Variants in SLC38A8 observed in about 807,000 individuals in gnomAD.
SLC38A8 encodes the protein solute carrier family 38 member 8, also known as amino acid transporter SLC38A8.
Under a neutral mutation model 46.0 loss-of-function variants are expected in SLC38A8, and 65 were observed. That is an observed-to-expected ratio of 1.41 (90% CI 1.16 to 1.74). SLC38A8 has a LOEUF of 1.74. SLC38A8 is among the 40% of genes most tolerant of loss of function. The pLI, the probability that SLC38A8 is intolerant of heterozygous loss-of-function variation, is 0.00. For missense variants in SLC38A8, 998 were observed against 567.9 expected (o/e 1.76, Z -7.70); for synonymous variants, 447 against 243.7 (o/e 1.83, Z -7.77).
chr16:84,016,609 T>A lies in SLC38A8; in HGVS notation c.1072A>T (p.Thr358Ser). The A allele has an allele frequency of 3.1e-6, 5 of 1,613,984 alleles. No individual in the cohort carries two copies. Among genetic ancestry groups the A allele is most frequent in the Non-Finnish European group, 4.2e-6 (5 of 1,180,024 alleles). Residue 358 changes from threonine (T) to serine (S), a missense_variant, in exon 9 of 11, where the codon ACG becomes TCG. Coordinates refer to ENST00000299709, the MANE Select transcript of SLC38A8 (RefSeq NM_001080442.3). ...MPLTILWVTV[T>S]LAMALFMPDL... ...GGCATAAACAGCGCCATGGCGAGCG[T>A]CACGGTGACCCACAGGATGGTCAGC... is the stretch of plus-strand genomic sequence containing the variant.
rs754247007 is a variant in SLC38A8 at position 84,029,501 on chromosome 16, C to T, written c.683G>A (p.Gly228Glu). The T allele has an allele frequency of 1.2e-6, 2 of 1,614,106 alleles. No individual in the cohort carries two copies. Among genetic ancestry groups the T allele is most frequent in the Non-Finnish European group, 1.7e-6 (2 of 1,180,006 alleles). The change falls in exon 6 of 11, where the codon GGG (glycine) becomes GAG (glutamate). Residue 228 changes from glycine to glutamate, a missense_variant. Coordinates refer to ENST00000299709, the MANE Select transcript of SLC38A8 (RefSeq NM_001080442.3). Reference protein sequence around the residue: ...VFSVFPTICFGFQCHEAAVSI... With the variant: ...VFSVFPTICFEFQCHEAAVSI... ...CACAGATGCTAAAATTACCTGAAAC[C>T]CGAAGCAGATGGTGGGGAAGACACT...
intron 3 of SLC38A8, among the ~76,000 whole-genome samples, chr16:84,033,680 C>T (rs1408354543): frequency 6.6e-6 from 1 of 152,188 alleles, no homozygotes; most frequent in Non-Finnish European, 1.5e-5. Flanking sequence ...CAAACATTCG[C>T]TGGGCTCCTT....
At chr16:84,019,973 C>G (rs2085076386) in intron 7 of SLC38A8, among the ~76,000 whole-genome samples, 1 of 152,244 alleles carries the variant, frequency 6.6e-6, no homozygotes, top group African/African-American at 2.4e-5. Context: ...TGTCTGTTCA[C>G]AGGGGTTGGC....
intron 9 of SLC38A8, among the ~76,000 whole-genome samples, chr16:84,014,337 G>T (rs77471122): frequency 0.037 from 5,477 of 147,518 alleles, 335 homozygotes; most frequent in African/African-American, 0.13. Context: ...CCTCACCTCT[G>T]AAAGCCCGGC....
At chr16:84,027,360 A>C (rs1368760841) in intron 6 of SLC38A8, among the ~76,000 whole-genome samples, 3 of 150,356 alleles carry the variant, frequency 2.0e-5, no homozygotes, top group Non-Finnish European at 1.5e-5. Context: ...AAGCAAAATT[A>C]AAACAAACAA....
intron 6 of SLC38A8, among the ~76,000 whole-genome samples, chr16:84,025,742 C>G (rs538185039): frequency 6.6e-4 from 100 of 152,336 alleles, no homozygotes; most frequent in Admixed American, 1.9e-3. Context: ...TCCTCTCACC[C>G]CCAGGACACA....
intron 6 of SLC38A8, among the ~76,000 whole-genome samples, chr16:84,026,951 G>C (rs1322998186): frequency 6.6e-6 from 1 of 152,194 alleles, no homozygotes; most frequent in African/African-American, 2.4e-5. Flanking sequence ...ATTGACTGTG[G>C]TGATGGTTGC....
rs1222058915 is a variant in SLC38A8 at position 84,009,709 on chromosome 16, G to C, written c.*75C>G. 2.4e-6 allele frequency: 3 copies of C among 1,264,862 alleles called. No homozygotes were observed. Among genetic ancestry groups the C allele is most frequent in the East Asian group, 4.8e-5 (2 of 42,046 alleles). The allele number at this position is 1,264,862 out of a possible 1,614,324, so 78.4% of individuals were successfully genotyped here. A position where few individuals can be genotyped will look rare whatever the true frequency, so the allele number is the denominator to read the frequency against. On this transcript the variant is annotated 3_prime_UTR_variant, in exon 11 of 11. Transcript: ENST00000299709. ...TTTATGAGGAAAAGAAATGGCATCG[G>C]TCTCCTGGCTGCATACAGCAGCCAC...
intron 7 of SLC38A8, among the ~76,000 whole-genome samples, chr16:84,022,382 G>C (rs1488194449): frequency 6.6e-6 from 1 of 152,170 alleles, no homozygotes; most frequent in Non-Finnish European, 1.5e-5. Context: ...GTGAGCACCT[G>C]AGTCCACTGC....
chr16:84,039,310 C>A (rs1296620983), intron 2 of SLC38A8, among the ~76,000 whole-genome samples: 2 of 152,230 alleles, frequency 1.3e-5, no homozygotes, highest in African/African-American at 2.4e-5. Context: ...CAGACACATG[C>A]AATTGTAAAA....
intron 2 of SLC38A8, 82 bp from the exon 3 acceptor site, chr16:84,036,982 T>TC: frequency 7.4e-7 from 1 of 1,352,178 alleles, no homozygotes; most frequent in South Asian, 1.3e-5. Context: ...GGGCACACTC[T>TC]CCACATGGCT....
chr16:84,023,167 C>T (rs1398527029), intron 6 of SLC38A8, among the ~76,000 whole-genome samples: 1 of 152,028 alleles, frequency 6.6e-6, no homozygotes, highest in East Asian at 1.9e-4. Context: ...AAAACTAGCT[C>T]TCTAGCTCAT....
At chr16:84,041,197 G>C (rs1461330640) in intron 2 of SLC38A8, 2 of 152,338 alleles carry the variant, frequency 1.3e-5, no homozygotes, top group Admixed American at 1.3e-4. Context: ...GGGAATTCTG[G>C]CTTTGCACCC....
chr16:84,021,858 G>T (rs554129776), intron 7 of SLC38A8, among the ~76,000 whole-genome samples: 20 of 152,368 alleles, frequency 1.3e-4, no homozygotes, highest in African/African-American at 4.3e-4. Flanking sequence ...GAGCCTTCTT[G>T]CCGGAGGGGA....
At chr16:84,019,187 G>C (rs1456510255) in intron 7 of SLC38A8, among the ~76,000 whole-genome samples, 1 of 151,516 alleles carries the variant, frequency 6.6e-6, no homozygotes, top group Admixed American at 6.6e-5. Context: ...CGATTATCTT[G>C]CCTCAGCCTC....
intron 4 of SLC38A8, among the ~76,000 whole-genome samples, chr16:84,032,209 G>C (rs1032349840): frequency 3.9e-5 from 6 of 152,212 alleles, no homozygotes; most frequent in African/African-American, 1.2e-4. Flanking sequence ...TGTTTTTTGA[G>C]ACGGAGTCTC....
At position 84,029,566 on chromosome 16, in the gene SLC38A8, G is replaced by C. The variant is rs372272293; in HGVS notation, c.633-15C>G. 3.7e-6 allele frequency: 6 copies of C among 1,613,752 alleles called. No homozygotes were observed. Among genetic ancestry groups the C allele is most frequent in the South Asian group, 2.2e-5 (2 of 91,012 alleles). On this transcript the variant is annotated splice_polypyrimidine_tract_variant and intron_variant, in intron 5 of 10. Transcript: ENST00000299709. ...AGGAGGCAGGGCTGTAAACAGACAA[G>C]AACAGGAGTTTATTAAAGAAGGGTC...
At chr16:84,036,574 T>A (rs34702590) in intron 3 of SLC38A8, 128 bp downstream of exon 3, 241,694 of 1,013,310 alleles carry the variant, frequency 0.24, 29,578 homozygotes, top group East Asian at 0.29. Context: ...GGAACAAGAG[T>A]GTGGTTTCAG....
At chr16:84,033,754 C>G (rs1054268804) in intron 3 of SLC38A8, among the ~76,000 whole-genome samples, 1 of 152,172 alleles carries the variant, frequency 6.6e-6, no homozygotes, top group Admixed American at 6.5e-5. Flanking sequence ...CATCTGCCCT[C>G]GTGCCCCTTA....
Sources: allele counts gnomAD v4.1 joint callset (sites outside exome capture counted in the v4.1 genomes callset), GRCh38; gene constraint gnomAD v4.1.1; transcripts MANE v1.5; gene names NCBI Gene and HGNC (gene_info 2026-07-23, HGNC 2026-07-21).